KDM2A: variants seen among roughly 807,000 people sequenced by gnomAD.
KDM2A encodes the protein lysine-specific demethylase 2A.
A neutral mutation model predicts 137.3 loss-of-function variants in KDM2A; 3 were observed. That is an observed-to-expected ratio of 0.02 (90% CI 0.01 to 0.06). The LOEUF (loss-of-function observed/expected upper bound fraction) is 0.06. KDM2A is among the 10% of genes least tolerant of loss of function. KDM2A has a pLI of 1.00. For synonymous variants in KDM2A, 512 were observed against 541.5 expected, an observed-to-expected ratio of 0.95 and a Z score of 0.76; for missense variants, 738 against 1,510.6, an observed-to-expected ratio of 0.49 and a Z score of 8.48.
intron 10 of KDM2A, among the ~76,000 whole-genome samples, chr11:67,221,574 G>A (rs1372042035): frequency 6.6e-6 from 1 of 152,138 alleles, no homozygotes; most frequent in Non-Finnish European, 1.5e-5. Context: ...TGATATTATT[G>A]TTGGAGTTAC....
chr11:67,242,973 G>T, intron 12 of KDM2A, 36 bp from the exon 13 acceptor site: 1 of 1,559,352 alleles, frequency 6.4e-7, no homozygotes, highest in African/African-American at 1.4e-5. Context: ...TGTTCACCCT[G>T]CCCTGATTTT....
At chr11:67,201,941 T>A (rs766250847) in intron 5 of KDM2A, among the ~76,000 whole-genome samples, 1 of 151,742 alleles carries the variant, frequency 6.6e-6, no homozygotes, top group Admixed American at 6.6e-5. Context: ...GGCATGAGAG[T>A]GAGACCCTGT....
intron 12 of KDM2A, chr11:67,240,153 TG>T (rs1858985292): frequency 1.4e-6 from 2 of 1,464,996 alleles, no homozygotes; most frequent in Admixed American, 4.9e-5. Flanking sequence ...CCCAGAGCGC[TG>T]CACGCTGCTC....
intron 2 of KDM2A, among the ~76,000 whole-genome samples, chr11:67,136,486 T>C (rs973194544): frequency 3.4e-4 from 52 of 152,208 alleles, no homozygotes; most frequent in Non-Finnish European, 2.9e-5. Flanking sequence ...GTGCTTATGT[T>C]GTACTAAGCA....
At chr11:67,174,005 A>C (rs1011983676) in intron 2 of KDM2A, among the ~76,000 whole-genome samples, 1 of 152,114 alleles carries the variant, frequency 6.6e-6, no homozygotes, top group South Asian at 2.1e-4. Context: ...ATGAGCCACC[A>C]TGCCCACTTT....
At chr11:67,149,836 T>C (rs774945873) in intron 2 of KDM2A, among the ~76,000 whole-genome samples, 1 of 151,750 alleles carries the variant, frequency 6.6e-6, no homozygotes, top group Non-Finnish European at 1.5e-5. Flanking sequence ...TTCTCCTGCC[T>C]CAGCCACCCA....
chr11:67,204,048 G>A (rs1347507390), intron 5 of KDM2A, among the ~76,000 whole-genome samples: 3 of 151,928 alleles, frequency 2.0e-5, no homozygotes, highest in South Asian at 2.1e-4. Flanking sequence ...TGATCTGCCC[G>A]CCTCGGCCTC....
At chr11:67,203,479 AAT>A (rs1319918892) in intron 5 of KDM2A, among the ~76,000 whole-genome samples, 25 of 147,260 alleles carry the variant, frequency 1.7e-4, no homozygotes, top group African/African-American at 4.2e-4. Flanking sequence ...AATAATTATT[AAT>A]ATATATTAAT....
intron 5 of KDM2A, among the ~76,000 whole-genome samples, chr11:67,198,035 TTAA>T (rs1857523180): frequency 6.6e-6 from 1 of 152,236 alleles, no homozygotes; most frequent in Non-Finnish European, 1.5e-5. Context: ...TTGTTTACTA[TTAA>T]GATTGAAAAT....
intron 2 of KDM2A, among the ~76,000 whole-genome samples, chr11:67,174,743 T>C (rs1475066854): frequency 2.6e-5 from 4 of 152,222 alleles, no homozygotes; most frequent in Non-Finnish European, 5.9e-5. Context: ...GGATTCTAAA[T>C]AACATGATTT....
chr11:67,252,755 C>G lies in KDM2A; in HGVS notation c.2830C>G (p.Gln944Glu), dbSNP rs781504977. ...GAGTAGGTGTAAGGCCATTGTGCCC[C>G]AGGCCCTCAGTGGCATCATCAAGAG... ...DLSRCKAIVP[Q>E]ALSGIIKRQP... is the part of the protein sequence containing the mutation. The change falls in exon 18 of 21, where the codon CAG becomes GAG. Residue 944 changes from glutamine to glutamate, a missense_variant. Physicochemically the swap from Gln to Glu is conservative, Grantham distance 29. This residue lies in a region of KDM2A where 166 missense variants were observed against 324.0 expected (regional missense o/e 0.51). Transcript: ENST00000529006. The G allele has an allele frequency of 6.2e-7, 1 of 1,613,946 alleles. No individual in the cohort carries two copies. The highest frequency in any genetic ancestry group is 8.5e-7 in the Non-Finnish European group (1 of 1,179,872).
chr11:67,181,800 G>A (rs1431315808), intron 4 of KDM2A, 46 bp from the exon 5 acceptor site: 1 of 1,540,410 alleles, frequency 6.5e-7, no homozygotes, highest in Non-Finnish European at 9.0e-7. Flanking sequence ...ACATTTACTA[G>A]AGCAATTGTG....
At chr11:67,178,130 G>A (rs969008531) in intron 2 of KDM2A, among the ~76,000 whole-genome samples, 2 of 152,188 alleles carry the variant, frequency 1.3e-5, no homozygotes, top group East Asian at 1.9e-4. Context: ...AGTCAGCTGG[G>A]TATAGTGACT....
chr11:67,120,674 G>T (rs141877613), intron 1 of KDM2A, among the ~76,000 whole-genome samples: 6 of 152,284 alleles, frequency 3.9e-5, no homozygotes, highest in African/African-American at 1.4e-4. Flanking sequence ...ATTTGGGAAT[G>T]ATAAGATCCG....
chr11:67,181,811 T>C, intron 4 of KDM2A, 35 bp from the exon 5 acceptor site: 7 of 1,599,386 alleles, frequency 4.4e-6, no homozygotes, highest in Non-Finnish European at 4.3e-6. Flanking sequence ...AGCAATTGTG[T>C]TTTCCATATA....
rs1421126490 is a variant in KDM2A, at chr11:67,248,580, GT to G, written c.2055+212del. ...ATTGTGTTTTGTATTACTAAATGTT[GT>G]TCCACTTGGGATCTGCAAATTCCTA... On this transcript the variant is annotated intron_variant, in intron 16 of 20. Coordinates refer to ENST00000529006, the MANE Select transcript of KDM2A (RefSeq NM_012308.3). The G allele has an allele frequency of 3.6e-5, 18 of 493,854 alleles. No individual in the cohort carries two copies. In the East Asian group the frequency reaches 6.5e-4, roughly 18 times the overall value. The allele number at this position is 493,854 out of a possible 1,614,324, so 30.6% of individuals were successfully genotyped here. A position where few individuals can be genotyped will look rare whatever the true frequency, so the allele number is the denominator to read the frequency against.
rs373146142 is a variant in KDM2A at position 67,250,778 on chromosome 11, G to A, written c.2748G>A (p.Val916=). The change falls in exon 17 of 21, where the codon GTG becomes GTA. Residue 916 remains valine (V), a synonymous_variant. Coordinates refer to ENST00000529006, the MANE Select transcript of KDM2A (RefSeq NM_012308.3). This position sits in a 1 kb window ranked among gnomAD's most constrained non-coding sequence, Gnocchi z 7.1. ...SRRELCECMR[V]CKTWYKWCCD... ...GAGAACTTTGTGAATGTATGCGAGT[G>A]TGCAAGACGTGGTATAAATGGTGAG... The A allele has an allele frequency of 1.3e-6, 2 of 1,531,292 alleles. No individual in the cohort carries two copies. The highest frequency in any genetic ancestry group is 1.8e-6 in the Non-Finnish European group (2 of 1,138,692). The allele number at this position is 1,531,292 out of a possible 1,614,324, so 94.9% of individuals were successfully genotyped here. A position where few individuals can be genotyped will look rare whatever the true frequency, so the allele number is the denominator to read the frequency against.
intron 2 of KDM2A, among the ~76,000 whole-genome samples, chr11:67,165,853 T>G (rs910761931): frequency 2.6e-5 from 4 of 152,190 alleles, no homozygotes; most frequent in African/African-American, 9.6e-5. Context: ...TCACTCTTAC[T>G]TCCCCTTTAG....
At chr11:67,166,901 A>G (rs1856761012) in intron 2 of KDM2A, among the ~76,000 whole-genome samples, 1 of 151,842 alleles carries the variant, frequency 6.6e-6, no homozygotes, top group Non-Finnish European at 1.5e-5. Flanking sequence ...ACGTGGCGAG[A>G]CCTCGTCTCT....
Sources: gnomAD v4.1 joint callset for allele counts (sites outside exome capture counted in the v4.1 genomes callset) on GRCh38, gnomAD v4.1.1 for gene constraint, gnomAD v4.1.1 regional missense constraint, Gnocchi (gnomAD v3.1) non-coding constraint, MANE v1.5 for transcripts, NCBI Gene and HGNC (gene_info 2026-07-23, HGNC 2026-07-21) for gene names.